EDIL3: variants seen among roughly 807,000 people sequenced by gnomAD.
The protein encoded by EDIL3 is EGF like and discoidin domains 3, also known as EGF-like repeat and discoidin I-like domain-containing protein 3.
A neutral mutation model predicts 67.4 loss-of-function variants in EDIL3; 37 were observed. That is an observed-to-expected ratio of 0.55 (90% CI 0.42 to 0.72). EDIL3 has a LOEUF of 0.72. Ranked by LOEUF, EDIL3 falls within the 30% of genes least tolerant of loss-of-function variation. The probability of loss-of-function intolerance (pLI) is 0.00; values close to 1 mark genes in which losing one functional copy is unlikely to be tolerated. For missense variants in EDIL3, 527 were observed against 586.3 expected (o/e 0.90, Z 1.04); for synonymous variants, 195 against 196.3 (o/e 0.99, Z 0.05).
chr5:84,346,125 C>CTT (rs1168130338), intron 1 of EDIL3, among the ~76,000 whole-genome samples: 8 of 125,080 alleles, frequency 6.4e-5, no homozygotes, highest in South Asian at 2.8e-4. Flanking sequence ...AGTCATCAAA[C>CTT]TTTTTTTTTC....
intron 5 of EDIL3, among the ~76,000 whole-genome samples, chr5:84,118,992 T>C (rs763373149): frequency 2.0e-5 from 3 of 152,110 alleles, no homozygotes; most frequent in Non-Finnish European, 4.4e-5. Flanking sequence ...ACAGGTTTGT[T>C]TCATAAGTTT....
chr5:84,038,823 G>A (rs1258936950), intron 9 of EDIL3, among the ~76,000 whole-genome samples: 2 of 152,182 alleles, frequency 1.3e-5, no homozygotes, highest in Non-Finnish European at 2.9e-5. Flanking sequence ...AGAGCCACAT[G>A]ATTTTGGATA....
At chr5:83,963,594 A>G (rs1023147973) in intron 9 of EDIL3, among the ~76,000 whole-genome samples, 1 of 151,364 alleles carries the variant, frequency 6.6e-6, no homozygotes, top group Non-Finnish European at 1.5e-5. Flanking sequence ...TTGAAGTCAA[A>G]TCATGGTGAT....
intron 9 of EDIL3, among the ~76,000 whole-genome samples, chr5:84,025,789 AT>A (rs1455723825): frequency 1.3e-5 from 2 of 152,334 alleles, no homozygotes; most frequent in Middle Eastern, 3.4e-3. Context: ...ATGTAATATG[AT>A]TATATGTAAT....
At chr5:84,328,552 C>T (rs1203440737) in intron 1 of EDIL3, among the ~76,000 whole-genome samples, 2 of 151,948 alleles carry the variant, frequency 1.3e-5, no homozygotes, top group Non-Finnish European at 2.9e-5. Flanking sequence ...ATAGAAGGGT[C>T]CTATGCCTAG....
At chr5:84,371,376 T>C (rs1030923152) in intron 1 of EDIL3, among the ~76,000 whole-genome samples, 3 of 145,410 alleles carry the variant, frequency 2.1e-5, no homozygotes, top group Non-Finnish European at 4.5e-5. Flanking sequence ...TATATATGTA[T>C]GTGTGTATAT....
At chr5:84,329,992 C>T (rs1004958237) in intron 1 of EDIL3, among the ~76,000 whole-genome samples, 2 of 152,090 alleles carry the variant, frequency 1.3e-5, no homozygotes, top group Non-Finnish European at 2.9e-5. Context: ...ATTACCATCA[C>T]ATTGATTTCC....
At chr5:84,029,856 T>C (rs1192318744) in intron 9 of EDIL3, among the ~76,000 whole-genome samples, 1 of 152,078 alleles carries the variant, frequency 6.6e-6, no homozygotes, top group Non-Finnish European at 1.5e-5. Context: ...ATTTAAAAAA[T>C]TGCACCCAGG....
chr5:84,375,163 G>C (rs1361220422), intron 1 of EDIL3, among the ~76,000 whole-genome samples: 1 of 151,848 alleles, frequency 6.6e-6, no homozygotes, highest in Non-Finnish European at 1.5e-5. Flanking sequence ...GTAGAGAAAG[G>C]GTTTCATCAT....
chr5:84,354,331 C>T lies in EDIL3; in HGVS notation c.67+29977G>A, dbSNP rs778615705. Among the ~76,000 whole-genome samples, 6 of 152,076 alleles carry T rather than the reference C, an allele frequency of 3.9e-5. No individual in the cohort carries two copies. The East Asian group carries it at 5.8e-4, about 15-fold the overall frequency. On this transcript the variant is annotated intron_variant, in intron 1 of 10. Coordinates refer to ENST00000296591, the MANE Select transcript of EDIL3 (RefSeq NM_005711.5). ...AGCTAAAAATAATTTTTTAATACCTCGCCATTTGACCATAAATAGCTATCC... is the reference window on the plus strand; with the variant it reads ...AGCTAAAAATAATTTTTTAATACCTTGCCATTTGACCATAAATAGCTATCC...
At chr5:84,177,847 A>C (rs1461628762) in intron 4 of EDIL3, among the ~76,000 whole-genome samples, 2 of 152,160 alleles carry the variant, frequency 1.3e-5, no homozygotes, top group Non-Finnish European at 2.9e-5. Context: ...ATAGTTGTTA[A>C]AATAGACCTA....
intron 3 of EDIL3, among the ~76,000 whole-genome samples, chr5:84,212,526 A>C (rs1744144661): frequency 6.6e-6 from 1 of 152,208 alleles, no homozygotes; most frequent in Admixed American, 6.5e-5. Context: ...CTTCCCAGTC[A>C]CTTCTCAGTT....
At chr5:84,045,759 G>A (rs1251536729) in intron 9 of EDIL3, among the ~76,000 whole-genome samples, 1 of 152,124 alleles carries the variant, frequency 6.6e-6, no homozygotes, top group African/African-American at 2.4e-5. Context: ...ACTGAGGCAT[G>A]TTTTCCTTGC....
chr5:84,133,952 A>C (rs1748043574), intron 5 of EDIL3, among the ~76,000 whole-genome samples: 1 of 152,032 alleles, frequency 6.6e-6, no homozygotes, highest in South Asian at 2.1e-4. Context: ...GAAAATAATT[A>C]CTTAAAAAAC....
chr5:84,353,955 T>G (rs984098549), intron 1 of EDIL3, among the ~76,000 whole-genome samples: 1 of 152,236 alleles, frequency 6.6e-6, no homozygotes, highest in African/African-American at 2.4e-5. Flanking sequence ...GAAAACTAAC[T>G]TTATTAGTCC....
chr5:83,980,830 G>A (rs1249354993), intron 9 of EDIL3, among the ~76,000 whole-genome samples: 2 of 151,056 alleles, frequency 1.3e-5, no homozygotes, highest in Non-Finnish European at 3.0e-5. Context: ...AAAGTCAACT[G>A]GTTTTCTATA....
chr5:84,187,788 T>C (rs1311374611), intron 3 of EDIL3, among the ~76,000 whole-genome samples: 1 of 151,992 alleles, frequency 6.6e-6, no homozygotes, highest in Non-Finnish European at 1.5e-5. Context: ...GCTCACATGA[T>C]TGACGTTTGC....
chr5:84,201,168 A>T (rs568680019), intron 3 of EDIL3, among the ~76,000 whole-genome samples: 2 of 152,190 alleles, frequency 1.3e-5, no homozygotes, highest in African/African-American at 4.8e-5. Context: ...CAACTGGCTT[A>T]TAATCCATTT....
At chr5:84,370,558 A>G (rs968407559) in intron 1 of EDIL3, among the ~76,000 whole-genome samples, 1 of 152,202 alleles carries the variant, frequency 6.6e-6, no homozygotes, top group African/African-American at 2.4e-5. Flanking sequence ...TGTTGCACAT[A>G]CTTTTCCTGT....
Sources: allele counts gnomAD v4.1 joint callset (sites outside exome capture counted in the v4.1 genomes callset), GRCh38; gene constraint gnomAD v4.1.1; transcripts MANE v1.5; gene names NCBI Gene and HGNC (gene_info 2026-07-23, HGNC 2026-07-21).